CFAP54: variants seen among roughly 807,000 people sequenced by gnomAD.
CFAP54 encodes the protein cilia- and flagella-associated protein 54.
A neutral mutation model predicts 370.4 loss-of-function variants in CFAP54; 290 were observed. The ratio of observed to expected loss-of-function variants is 0.78; its 90% CI spans 0.71 to 0.86. CFAP54 has a LOEUF of 0.86. Ranked by LOEUF, CFAP54 falls within the 40% of genes least tolerant of loss-of-function variation. CFAP54 has a pLI of 0.00. For missense variants in CFAP54, 3,399 were observed against 3,528.7 expected (o/e 0.96, Z 0.93); for synonymous variants, 1,206 against 1,236.5 (o/e 0.98, Z 0.52).
In CFAP54 at chr12:96,743,770, C is replaced by T. The variant is rs1250880388; in HGVS notation, c.7417C>T (p.Pro2473Ser). The T allele has an allele frequency of 6.2e-7, 1 of 1,611,208 alleles. No individual in the cohort carries two copies. The highest frequency in any genetic ancestry group is 8.5e-7 in the Non-Finnish European group (1 of 1,179,218). Reference sequence around the variant, plus strand: ...GCTGGAAGGAAATGAATTTATTTCTCCTCAATCACGGCTAACCCTGGCAAG... The same window carrying T: ...GCTGGAAGGAAATGAATTTATTTCTTCTCAATCACGGCTAACCCTGGCAAG... The part of the protein sequence containing the change: ...HLLEGNEFIS[P>S]QSRLTLARSL... The change falls in exon 54 of 68, where the codon CCT (proline) becomes TCT (serine). Residue 2473 changes from proline to serine, a missense_variant. Around this residue, in one of 3 missense-constraint regions of CFAP54, gnomAD observed 2,796 missense variants for 2,869.7 expected, o/e 0.97. Coordinates refer to ENST00000524981, the MANE Select transcript of CFAP54 (RefSeq NM_001306084.2).
chr12:96,792,315 TG>T lies in CFAP54; in HGVS notation c.8680-13del. 6.8e-7 allele frequency: 1 copy of T among 1,473,832 alleles called. No individual in the cohort carries two copies. The highest frequency in any genetic ancestry group is 9.0e-7 in the Non-Finnish European group (1 of 1,115,588). The allele number at this position is 1,473,832 out of a possible 1,614,324, so 91.3% of individuals were successfully genotyped here. A position where few individuals can be genotyped will look rare whatever the true frequency, so the allele number is the denominator to read the frequency against. On this transcript the variant is annotated splice_polypyrimidine_tract_variant and intron_variant, in intron 62 of 67. Coordinates refer to ENST00000524981, the MANE Select transcript of CFAP54 (RefSeq NM_001306084.2). ...TTACCAGTAATTAAACTGATGTTTT[TG>T]TTTGTTCCCTAGTTGTATCGCGATA...
At chr12:96,577,738 A>G (rs957015039) in intron 20 of CFAP54, among the ~76,000 whole-genome samples, 3 of 152,004 alleles carry the variant, frequency 2.0e-5, no homozygotes, top group African/African-American at 7.3e-5. Context: ...CACTTCTTGT[A>G]TTAAATGTTA....
intron 58 of CFAP54, among the ~76,000 whole-genome samples, chr12:96,763,430 C>T (rs1311065193): frequency 6.6e-6 from 1 of 152,096 alleles, no homozygotes; most frequent in Non-Finnish European, 1.5e-5. Flanking sequence ...GATGCTGTTA[C>T]ACAATATATT....
intron 60 of CFAP54, among the ~76,000 whole-genome samples, chr12:96,781,050 A>G (rs1958575442): frequency 6.6e-6 from 1 of 152,120 alleles, no homozygotes; most frequent in Non-Finnish European, 1.5e-5. Flanking sequence ...TAATGTAGAA[A>G]AAAGAAAGGA....
intron 56 of CFAP54, among the ~76,000 whole-genome samples, 175 bp downstream of exon 56, chr12:96,754,073 CT>C (rs1198044586): frequency 6.6e-6 from 1 of 152,098 alleles, no homozygotes; most frequent in African/African-American, 2.4e-5. Flanking sequence ...TAAAAGAATG[CT>C]GTTTATTTTA....
At chr12:96,717,300 C>T (rs897078688) in intron 48 of CFAP54, among the ~76,000 whole-genome samples, 16 of 152,182 alleles carry the variant, frequency 1.1e-4, no homozygotes, top group Admixed American at 7.2e-4. Flanking sequence ...CCCAGATCCT[C>T]CTGCTGGGCC....
At chr12:96,832,304 A>G (rs1007070652) in intron 66 of CFAP54, among the ~76,000 whole-genome samples, 164 of 151,200 alleles carry the variant, frequency 1.1e-3, no homozygotes, top group African/African-American at 3.7e-3. Flanking sequence ...TATAGGTTAT[A>G]AAAAAGAATT....
intron 67 of CFAP54, among the ~76,000 whole-genome samples, chr12:96,862,007 T>C (rs1361013650): frequency 2.0e-5 from 3 of 152,160 alleles, no homozygotes; most frequent in Admixed American, 2.0e-4. Context: ...TTCCTACTAG[T>C]ATTAAAAAGG....
At chr12:96,606,025 A>G (rs1956296357) in intron 26 of CFAP54, among the ~76,000 whole-genome samples, 1 of 147,810 alleles carries the variant, frequency 6.8e-6, no homozygotes, top group Non-Finnish European at 1.5e-5. Context: ...AACCAACATC[A>G]TCTCACAGAG....
At chr12:96,774,145 C>T (rs753027589) in intron 60 of CFAP54, among the ~76,000 whole-genome samples, 4 of 151,598 alleles carry the variant, frequency 2.6e-5, no homozygotes, top group African/African-American at 7.3e-5. Context: ...TAATCTTTCC[C>T]GATTAAAAAA....
chr12:96,794,686 C>CAA (rs767620803), intron 63 of CFAP54, among the ~76,000 whole-genome samples: 11 of 152,190 alleles, frequency 7.2e-5, no homozygotes, highest in Admixed American at 2.6e-4. Context: ...TTACCTTTCT[C>CAA]TGGTGCCTCC....
chr12:96,548,915 C>T (rs566473747), intron 15 of CFAP54, among the ~76,000 whole-genome samples: 22 of 150,304 alleles, frequency 1.5e-4, no homozygotes, highest in East Asian at 7.8e-4. Flanking sequence ...AGTGCAGTGG[C>T]GCACTCTTGG....
intron 32 of CFAP54, among the ~76,000 whole-genome samples, chr12:96,635,085 A>G (rs1956649894): frequency 6.6e-6 from 1 of 152,212 alleles, no homozygotes; most frequent in Non-Finnish European, 1.5e-5. Context: ...CATTTCATAT[A>G]CATTTTAGAA....
In CFAP54 at chr12:96,523,215, A is replaced by G. The variant is rs557358645; in HGVS notation, c.1158+1026A>G. On this transcript the variant is annotated intron_variant, in intron 8 of 67. Transcript: ENST00000524981. ...GTGTATCAAATCTCAGAACCTGGAAAGGATTTGGGAAACCATCTGGTTCAG... is the reference window on the plus strand; with the variant it reads ...GTGTATCAAATCTCAGAACCTGGAAGGGATTTGGGAAACCATCTGGTTCAG... 3.7e-4 allele frequency among the ~76,000 whole-genome samples: 57 copies of G among 152,334 alleles called. 1 individual carries two copies. The highest frequency in any genetic ancestry group is 1.2e-3 in the African/African-American group (51 of 41,574).
intron 26 of CFAP54, among the ~76,000 whole-genome samples, chr12:96,599,840 C>G (rs532199419): frequency 4.5e-4 from 68 of 151,872 alleles, no homozygotes; most frequent in African/African-American, 1.5e-3. Flanking sequence ...CCTTTGCCCA[C>G]TTTTTGGGGT....
In CFAP54 at chr12:96,623,813, T is replaced by C. The variant is rs1370546784; in HGVS notation, c.3818T>C (p.Leu1273Pro). 2 of 1,535,658 alleles carry C rather than the reference T, an allele frequency of 1.3e-6. No homozygotes were observed. The highest frequency in any genetic ancestry group is 2.4e-5 in the East Asian group (1 of 40,906). Residue 1273 changes from leucine to proline, a missense_variant, in exon 28 of 68, where the codon CTA (leucine) becomes CCA (proline). Physicochemically the swap from Leu to Pro is moderately conservative, Grantham distance 98 (BLOSUM62 -3). Coordinates refer to ENST00000524981, the MANE Select transcript of CFAP54 (RefSeq NM_001306084.2). The stretch of plus-strand genomic sequence containing the variant: ...AAGACTAAGAAGCCACAGCAGATAC[T>C]ACTGCCTGAAAAGATAAATGAACAG... ...SLKTKKPQQI[L>P]LPEKINEQLA...
At chr12:96,729,116 C>T (rs1250748137) in intron 50 of CFAP54, among the ~76,000 whole-genome samples, 13 of 152,132 alleles carry the variant, frequency 8.5e-5, no homozygotes, top group African/African-American at 2.9e-4. Context: ...TTAGGCTGCT[C>T]GGGGGTCAGG....
chr12:96,499,987 AAAAC>A (rs1955007905), intron 1 of CFAP54, among the ~76,000 whole-genome samples: 1 of 117,942 alleles, frequency 8.5e-6, no homozygotes, highest in East Asian at 2.3e-4. Flanking sequence ...CAAAACAAAA[AAAAC>A]CGTGCGCATC....
chr12:96,639,166 A>G (rs1321975394), intron 32 of CFAP54, among the ~76,000 whole-genome samples: 1 of 152,226 alleles, frequency 6.6e-6, no homozygotes. Context: ...GATCAACAAA[A>G]CTGATAGACC....
Sources: gnomAD v4.1 joint callset for allele counts (sites outside exome capture counted in the v4.1 genomes callset) on GRCh38, gnomAD v4.1.1 for gene constraint, gnomAD v4.1.1 regional missense constraint, MANE v1.5 for transcripts, NCBI Gene and HGNC (gene_info 2026-07-23, HGNC 2026-07-21) for gene names.